LNPK: variants seen among roughly 807,000 people sequenced by gnomAD.
The protein encoded by LNPK is lunapark, ER junction formation factor, also known as endoplasmic reticulum junction formation protein lunapark.
In LNPK, 29 loss-of-function variants were observed where a neutral mutation model predicts 55.2. The ratio of observed to expected loss-of-function variants is 0.53; its 90% CI spans 0.39 to 0.72. The LOEUF (loss-of-function observed/expected upper bound fraction) is 0.72. Among genes scored for constraint, LNPK ranks in the 30% least tolerant of loss-of-function variants. The probability of loss-of-function intolerance (pLI) is 0.00; values close to 1 mark genes in which losing one functional copy is unlikely to be tolerated. For synonymous variants in LNPK, 162 were observed against 168.2 expected, an observed-to-expected ratio of 0.96 and a Z score of 0.29; for missense variants, 467 against 494.8, an observed-to-expected ratio of 0.94 and a Z score of 0.53.
rs975281873 is a variant in LNPK, at chr2:175,939,648, G to A, written c.716C>T (p.Pro239Leu). The change falls in exon 10 of 13, where the codon CCT (proline) becomes CTT (leucine). Residue 239 changes from proline (P) to leucine (L), a missense_variant. Coordinates refer to ENST00000272748, the MANE Select transcript of LNPK (RefSeq NM_030650.3). ...ATSVPGMGLH[P>L]PGPPLARPIL... is the part of the protein sequence containing the mutation. Reference sequence around the variant, plus strand: ...AGGTCTTGCTAAAGGTGGACCTGGAGGATGAAGACCTATTAAATAAATAAA... The same window carrying A: ...AGGTCTTGCTAAAGGTGGACCTGGAAGATGAAGACCTATTAAATAAATAAA... 5 of 1,529,824 alleles carry A rather than the reference G, an allele frequency of 3.3e-6. No homozygotes were observed. The highest frequency in any genetic ancestry group is 2.3e-5 in the East Asian group (1 of 43,640). The allele number at this position is 1,529,824 out of a possible 1,614,324, so 94.8% of individuals were successfully genotyped here. A position where few individuals can be genotyped will look rare whatever the true frequency, so the allele number is the denominator to read the frequency against.
intron 8 of LNPK, among the ~76,000 whole-genome samples, chr2:175,955,641 C>T (rs761384493): frequency 2.0e-5 from 3 of 152,090 alleles, no homozygotes; most frequent in Non-Finnish European, 4.4e-5. Flanking sequence ...GCATTTTTCA[C>T]GTTCTCTGAA....
rs59400321 is a variant in LNPK at position 175,953,771 on chromosome 2, T to TA, written c.494-6080dup. 3.9e-3 allele frequency among the ~76,000 whole-genome samples: 517 copies of TA among 132,474 alleles called. 2 individuals carry two copies. Among genetic ancestry groups the TA allele is most frequent in the Middle Eastern group, 0.011 (3 of 264 alleles). 86.9% of individuals were successfully genotyped at this position (132,474 alleles called of 152,430 possible). ...CAATCCAACATAACCTCCATGTTAC[T>TA]AAAAAAAAAAAAAAAAAAGTATTCT... On this transcript the variant is annotated intron_variant, in intron 8 of 12. Coordinates refer to ENST00000272748, the MANE Select transcript of LNPK (RefSeq NM_030650.3).
intron 10 of LNPK, chr2:175,938,806 T>C (rs1684673458): frequency 6.5e-6 from 1 of 152,782 alleles, no homozygotes. Context: ...CTGAGATGTC[T>C]TGCGGCAAAC....
At chr2:175,998,231 C>A (rs954964026) in intron 1 of LNPK, among the ~76,000 whole-genome samples, 3 of 151,838 alleles carry the variant, frequency 2.0e-5, no homozygotes, top group Non-Finnish European at 4.4e-5. Flanking sequence ...ATCACAAGGT[C>A]AAGAGTTCAA....
intron 10 of LNPK, 139 bp from the exon 11 acceptor site, chr2:175,938,522 C>A: frequency 2.3e-6 from 1 of 444,074 alleles, no homozygotes; most frequent in African/African-American, 2.0e-5. Context: ...ACTTAGTAAA[C>A]AACAAACAAT....
At chr2:175,933,731 G>GTTTTTTT (rs34348423) in intron 12 of LNPK, among the ~76,000 whole-genome samples, 7 of 122,114 alleles carry the variant, frequency 5.7e-5, no homozygotes, top group Non-Finnish European at 9.7e-5. Context: ...CAAGTTAAGG[G>GTTTTTTT]TTTTTTTTTT....
chr2:175,938,177 A>G, intron 11 of LNPK, 136 bp downstream of exon 11: 2 of 566,462 alleles, frequency 3.5e-6, no homozygotes, highest in Non-Finnish European at 6.3e-6. Flanking sequence ...TGCTCTATGT[A>G]CTAAAATAAG....
At chr2:175,931,712 T>G (rs971974799) in intron 12 of LNPK, among the ~76,000 whole-genome samples, 2 of 152,204 alleles carry the variant, frequency 1.3e-5, no homozygotes, top group Non-Finnish European at 2.9e-5. Context: ...GCTACACACA[T>G]GGAATTTTAT....
chr2:175,997,611 A>G (rs1030882303), intron 1 of LNPK, among the ~76,000 whole-genome samples: 2 of 152,030 alleles, frequency 1.3e-5, no homozygotes, highest in Admixed American at 6.5e-5. Flanking sequence ...TAAGACTGTG[A>G]TCAGAATTTT....
chr2:175,970,622 T>C (rs192405329), intron 6 of LNPK, 142 bp downstream of exon 6: 57 of 403,852 alleles, frequency 1.4e-4, no homozygotes, highest in African/African-American at 9.7e-4. Context: ...AGCAAAAATA[T>C]TCACAATTTC....
chr2:175,931,060 C>T (rs1200064046), intron 12 of LNPK, among the ~76,000 whole-genome samples: 1 of 152,114 alleles, frequency 6.6e-6, no homozygotes, highest in Admixed American at 6.6e-5. Context: ...ATGACTGGAG[C>T]AGACAACCTT....
chr2:175,937,204 T>C, intron 12 of LNPK, 140 bp downstream of exon 12: 1 of 719,692 alleles, frequency 1.4e-6, no homozygotes, highest in African/African-American at 1.8e-5. Flanking sequence ...CACAGGAGGC[T>C]ATGGTAACAG....
chr2:175,989,647 AC>A (rs1157200970), intron 4 of LNPK, among the ~76,000 whole-genome samples: 1 of 152,156 alleles, frequency 6.6e-6, no homozygotes, highest in African/African-American at 2.4e-5. Context: ...ACTTTACGTA[AC>A]CCAAACCTTC....
In LNPK at chr2:175,925,217, CTG is replaced by C. The variant is rs1683957134; in HGVS notation, c.*4748_*4749del. The C allele has an allele frequency of 6.6e-6, 1 of 152,142 alleles. No homozygotes were observed. The highest frequency in any genetic ancestry group is 6.5e-5 in the Admixed American group (1 of 15,276). 9.4% of individuals were successfully genotyped at this position (152,142 alleles called of 1,614,324 possible). On this transcript the variant is annotated 3_prime_UTR_variant, in exon 13 of 13. Coordinates refer to ENST00000272748, the MANE Select transcript of LNPK (RefSeq NM_030650.3). The stretch of plus-strand genomic sequence containing the variant: ...ACTATGTTCTCCATAACAATAGTGA[CTG>C]TGTGTCTAATGCATAAAATGAGTTT...
chr2:175,958,459 C>G (rs1093746), intron 8 of LNPK, among the ~76,000 whole-genome samples: 115,869 of 152,118 alleles, frequency 0.76, 44,468 homozygotes, highest in African/African-American at 0.87. Context: ...AAACTGCAAC[C>G]GACCTGCAGC....
At chr2:175,979,786 A>G in intron 5 of LNPK, 24 bp downstream of exon 5, 1 of 1,480,120 alleles carries the variant, frequency 6.8e-7, no homozygotes. Context: ...AAAAATATTT[A>G]TTAAAAATTG....
chr2:175,935,764 A>G (rs1032121453), intron 12 of LNPK: 2 of 975,196 alleles, frequency 2.1e-6, no homozygotes, highest in Non-Finnish European at 2.4e-6. Context: ...TCAGACAGAA[A>G]ATGAGACGTC....
chr2:175,987,539 G>A (rs1370757302), intron 4 of LNPK, among the ~76,000 whole-genome samples: 1 of 152,114 alleles, frequency 6.6e-6, no homozygotes, highest in African/African-American at 2.4e-5. Context: ...GGGGGGAGCA[G>A]GGAGGGATAG....
intron 8 of LNPK, among the ~76,000 whole-genome samples, chr2:175,951,650 G>A (rs931401679): frequency 2.8e-5 from 4 of 141,592 alleles, no homozygotes; most frequent in Admixed American, 7.3e-5. Flanking sequence ...TGACATTTGG[G>A]TTGGTTCCAC....
Sources: gnomAD v4.1 joint callset for allele counts (sites outside exome capture counted in the v4.1 genomes callset) on GRCh38, gnomAD v4.1.1 for gene constraint, MANE v1.5 for transcripts, NCBI Gene and HGNC (gene_info 2026-07-23, HGNC 2026-07-21) for gene names.